Variants in GSK3B observed in about 807,000 individuals in gnomAD.
The protein encoded by GSK3B is glycogen synthase kinase-3 beta.
GSK3B carries 15 observed loss-of-function variants against 56.4 expected under a neutral mutation model. The ratio of observed to expected loss-of-function variants is 0.27; its 90% confidence interval spans 0.18 to 0.41. GSK3B has a LOEUF of 0.41. GSK3B is among the 10% of genes least tolerant of loss of function. The probability of loss-of-function intolerance (pLI) is 1.00; values close to 1 mark genes in which losing one functional copy is unlikely to be tolerated. For missense variants in GSK3B, 300 were observed against 513.4 expected (o/e 0.58, Z 4.02); for synonymous variants, 181 against 188.9 (o/e 0.96, Z 0.34).
intron 2 of GSK3B, among the ~76,000 whole-genome samples, chr3:119,948,471 A>G (rs1013310410): frequency 1.3e-5 from 2 of 152,256 alleles, no homozygotes; most frequent in East Asian, 3.8e-4. Context: ...TAAGATATCA[A>G]TCTTTCATTC....
At chr3:119,913,581 C>A (rs1242284545) in intron 5 of GSK3B, among the ~76,000 whole-genome samples, 1 of 151,642 alleles carries the variant, frequency 6.6e-6, no homozygotes, top group African/African-American at 2.4e-5. Context: ...TAGAAGCCAG[C>A]CATTCTGACA....
Position 119,943,780 on chromosome 3 carries a change from G to T in GSK3B, c.366+3488C>A, listed in dbSNP as rs560242654. On this transcript the variant is annotated intron_variant, in intron 3 of 10. Transcript: ENST00000264235. ...GAGGGAGAGAGACAGAGAGAAAAAG[G>T]GTGTGGGGGAGAAGAGAGAGACAAG... 2.7e-4 allele frequency among the ~76,000 whole-genome samples: 41 copies of T among 151,960 alleles called. No individual in the cohort carries two copies. In the South Asian group the frequency reaches 8.3e-3, roughly 31 times the overall value.
chr3:119,959,743 G>A (rs1298675250), intron 2 of GSK3B, among the ~76,000 whole-genome samples: 2 of 151,492 alleles, frequency 1.3e-5, no homozygotes, highest in African/African-American at 2.4e-5. Flanking sequence ...TCTTGAACTC[G>A]TGACCTCAAA....
intron 1 of GSK3B, among the ~76,000 whole-genome samples, chr3:120,048,161 C>T (rs914562297): frequency 6.6e-6 from 1 of 152,122 alleles, no homozygotes; most frequent in Non-Finnish European, 1.5e-5. Context: ...AAAAGAAAAC[C>T]AAACTCTTAC....
intron 4 of GSK3B, among the ~76,000 whole-genome samples, chr3:119,920,293 G>T (rs1321509604): frequency 6.6e-6 from 1 of 152,186 alleles, no homozygotes; most frequent in East Asian, 1.9e-4. Flanking sequence ...AGGCTGAAGT[G>T]CAGTGGCATG....
chr3:120,065,833 A>G (rs1368166530), intron 1 of GSK3B, among the ~76,000 whole-genome samples: 1 of 152,204 alleles, frequency 6.6e-6, no homozygotes. Flanking sequence ...CATTATTCTA[A>G]GTGGAAAAAA....
intron 3 of GSK3B, among the ~76,000 whole-genome samples, chr3:119,927,260 A>G (rs1356617617): frequency 6.6e-6 from 1 of 152,238 alleles, no homozygotes; most frequent in Admixed American, 6.5e-5. Context: ...GAAAAAAATT[A>G]GATTACAAAC....
chr3:120,000,918 CTTTTTT>C (rs71156781), intron 2 of GSK3B, among the ~76,000 whole-genome samples: 2 of 91,054 alleles, frequency 2.2e-5, no homozygotes, highest in Admixed American at 3.0e-4. Context: ...ATGTAATCTC[CTTTTTT>C]TTTTTTTTTT....
At chr3:120,076,686 C>T (rs1014641903) in intron 1 of GSK3B, among the ~76,000 whole-genome samples, 9 of 151,188 alleles carry the variant, frequency 6.0e-5, no homozygotes, top group South Asian at 2.1e-4. Flanking sequence ...TGGTGGCGCA[C>T]GCCTGTAGTC....
At chr3:119,987,236 T>G (rs142373164) in intron 2 of GSK3B, among the ~76,000 whole-genome samples, 14,918 of 152,076 alleles carry the variant, frequency 0.098, 788 homozygotes, top group South Asian at 0.16. Context: ...AAATGATGAG[T>G]TGATGGGTGC....
At chr3:119,981,292 G>A (rs1000429404) in intron 2 of GSK3B, among the ~76,000 whole-genome samples, 4 of 152,192 alleles carry the variant, frequency 2.6e-5, no homozygotes, top group Admixed American at 2.0e-4. Context: ...CGCAGAAGAC[G>A]GCTAATTTCT....
rs76410276 is a variant in GSK3B, at chr3:119,958,977, A to C, written c.283-11626T>G. On this transcript the variant is annotated intron_variant, in intron 2 of 10. Transcript: ENST00000264235. ...ATCCCCTGGAATACAACACAACTAA[A>C]ACCTCTGGTTACTGTGCAGAATATG... Among the ~76,000 whole-genome samples the C allele has an allele frequency of 3.9e-3, 587 of 152,160 alleles. 7 individuals are homozygous for C. The highest frequency in any genetic ancestry group is 0.013 in the African/African-American group (552 of 41,498).
intron 2 of GSK3B, among the ~76,000 whole-genome samples, chr3:119,952,658 A>G (rs991480722): frequency 2.0e-5 from 3 of 151,862 alleles, no homozygotes; most frequent in Admixed American, 6.6e-5. Context: ...CATACATGGG[A>G]AAAACAATAC....
At chr3:119,914,110 G>A (rs753526976) in intron 5 of GSK3B, among the ~76,000 whole-genome samples, 6 of 151,938 alleles carry the variant, frequency 3.9e-5, no homozygotes, top group Non-Finnish European at 8.8e-5. Context: ...AGAGGAGACT[G>A]GTTTTAACTA....
intron 1 of GSK3B, among the ~76,000 whole-genome samples, chr3:120,015,677 A>C (rs921202586): frequency 2.1e-5 from 3 of 144,766 alleles, no homozygotes; most frequent in East Asian, 2.1e-4. Flanking sequence ...AAAAAAAAAA[A>C]AACTAGACAT....
chr3:119,974,485 C>A (rs1282430081), intron 2 of GSK3B, among the ~76,000 whole-genome samples: 3 of 152,098 alleles, frequency 2.0e-5, no homozygotes, highest in Non-Finnish European at 4.4e-5. Context: ...AAGATGCCCC[C>A]ACGGAAGGAC....
At chr3:119,960,019 C>T (rs1457698187) in intron 2 of GSK3B, among the ~76,000 whole-genome samples, 1 of 151,942 alleles carries the variant, frequency 6.6e-6, no homozygotes, top group African/African-American at 2.4e-5. Flanking sequence ...GAATAGCCCC[C>T]AGATGTCACT....
intron 1 of GSK3B, among the ~76,000 whole-genome samples, chr3:120,054,522 C>CT (rs989994619): frequency 6.6e-6 from 1 of 152,116 alleles, no homozygotes; most frequent in African/African-American, 2.4e-5. Context: ...CTCCCCTAAC[C>CT]TTTTTTCTTT....
At chr3:119,988,378 T>C (rs910494066) in intron 2 of GSK3B, among the ~76,000 whole-genome samples, 5 of 152,344 alleles carry the variant, frequency 3.3e-5, no homozygotes, top group African/African-American at 1.2e-4. Flanking sequence ...TCTACCTGAT[T>C]TTCTCCATAA....
Sources: allele counts gnomAD v4.1 joint callset (sites outside exome capture counted in the v4.1 genomes callset), GRCh38; gene constraint gnomAD v4.1.1; transcripts MANE v1.5; gene names NCBI Gene and HGNC (gene_info 2026-07-23, HGNC 2026-07-21).